Variants in ZPBP observed in about 807,000 individuals in gnomAD.
The protein encoded by ZPBP is zona pellucida-binding protein 1.
ZPBP carries 26 observed loss-of-function variants against 44.8 expected under a neutral mutation model. The ratio of observed to expected loss-of-function variants is 0.58; its 90% CI spans 0.43 to 0.81. The LOEUF (loss-of-function observed/expected upper bound fraction) is 0.81. Among genes scored for constraint, ZPBP ranks in the 30% least tolerant of loss-of-function variants. ZPBP has a pLI of 0.00. For synonymous variants in ZPBP, 174 were observed against 153.2 expected (o/e 1.14, Z -1.00); for missense variants, 409 against 434.0 (o/e 0.94, Z 0.51).
intron 7 of ZPBP, among the ~76,000 whole-genome samples, chr7:49,959,927 A>G (rs1795783441): frequency 6.6e-6 from 1 of 152,236 alleles, no homozygotes; most frequent in Admixed American, 6.5e-5. Flanking sequence ...AATGTACAAA[A>G]TTGCAGTCAG....
intron 6 of ZPBP, among the ~76,000 whole-genome samples, chr7:50,015,787 G>A (rs1798794299): frequency 6.6e-6 from 1 of 151,890 alleles, no homozygotes. Context: ...GAGCCAGCAA[G>A]CATATGAAAA....
chr7:50,031,058 C>T, intron 5 of ZPBP, 34 bp downstream of exon 5: 1 of 1,584,818 alleles, frequency 6.3e-7, no homozygotes, highest in Non-Finnish European at 8.7e-7. Context: ...TATGTGTTCT[C>T]CATTTGCTTT....
chr7:50,006,057 A>G (rs1302189004), intron 6 of ZPBP, among the ~76,000 whole-genome samples: 3 of 151,972 alleles, frequency 2.0e-5, no homozygotes, highest in Non-Finnish European at 4.4e-5. Context: ...GAGACATAGC[A>G]TTATATAATG....
At chr7:49,977,003 G>A (rs1400600340) in intron 7 of ZPBP, among the ~76,000 whole-genome samples, 1 of 151,960 alleles carries the variant, frequency 6.6e-6, no homozygotes, top group Non-Finnish European at 1.5e-5. Context: ...TCGGGCGCCT[G>A]AGGCAGGAGA....
chr7:50,043,842 A>G (rs1800211058), intron 4 of ZPBP, among the ~76,000 whole-genome samples: 1 of 152,164 alleles, frequency 6.6e-6, no homozygotes, highest in African/African-American at 2.4e-5. Flanking sequence ...AGAACTCTCC[A>G]CCCCACATCA....
chr7:49,890,465 T>C (rs988526526), intron 2 of ZPBP, among the ~76,000 whole-genome samples: 3 of 152,156 alleles, frequency 2.0e-5, no homozygotes, highest in Non-Finnish European at 2.9e-5. Flanking sequence ...GACCAATAAA[T>C]CCATAACATC....
chr7:49,911,988 T>C (rs902567701), intron 1 of ZPBP: 4 of 1,473,394 alleles, frequency 2.7e-6, no homozygotes, highest in Non-Finnish European at 3.6e-6. Flanking sequence ...ATATATATTA[T>C]ATATTTATGC....
intron 6 of ZPBP, among the ~76,000 whole-genome samples, chr7:49,988,033 A>C (rs1960762): frequency 0.022 from 3,323 of 152,310 alleles, 143 homozygotes; most frequent in African/African-American, 0.076. Context: ...AATTGTAAAA[A>C]TTAATCTTGC....
At chr7:49,996,516 T>C (rs1797855588) in intron 6 of ZPBP, among the ~76,000 whole-genome samples, 1 of 152,192 alleles carries the variant, frequency 6.6e-6, no homozygotes, top group Admixed American at 6.5e-5. Flanking sequence ...ACAGTTACCC[T>C]AGTAAAAGGC....
At chr7:49,987,482 G>T (rs996782889) in intron 6 of ZPBP, among the ~76,000 whole-genome samples, 1 of 152,118 alleles carries the variant, frequency 6.6e-6, no homozygotes, top group African/African-American at 2.4e-5. Flanking sequence ...TTTTGGGAGA[G>T]ACCTCTGTTT....
At chr7:50,060,813 G>A (rs562735659) in intron 3 of ZPBP, among the ~76,000 whole-genome samples, 4 of 152,286 alleles carry the variant, frequency 2.6e-5, no homozygotes, top group East Asian at 1.9e-4. Context: ...CTCATTCTAT[G>A]AGGCCAGTAT....
chr7:50,060,716 C>T (rs529470527), intron 3 of ZPBP, among the ~76,000 whole-genome samples: 1 of 152,234 alleles, frequency 6.6e-6, no homozygotes, highest in Non-Finnish European at 1.5e-5. Flanking sequence ...GATTCACAGC[C>T]AAATTCTACC....
intron 7 of ZPBP, among the ~76,000 whole-genome samples, chr7:49,952,080 G>A (rs546986355): frequency 2.3e-4 from 35 of 151,942 alleles, no homozygotes; most frequent in Admixed American, 3.3e-4. Flanking sequence ...TGAATGAGGC[G>A]TAACTTTTTA....
At position 50,058,009 on chromosome 7, in the gene ZPBP, T is replaced by C; in HGVS notation, c.467A>G (p.Gln156Arg). 4 of 1,611,598 alleles carry C rather than the reference T, an allele frequency of 2.5e-6. No homozygotes were observed. The highest frequency in any genetic ancestry group is 3.4e-6 in the Non-Finnish European group (4 of 1,178,860). The change falls in exon 4 of 8, where the codon CAA (glutamine) becomes CGA (arginine). Residue 156 changes from glutamine (Q) to arginine (R), a missense_variant. Physicochemically the swap from Gln to Arg is conservative, Grantham distance 43. Coordinates refer to ENST00000046087, the MANE Select transcript of ZPBP (RefSeq NM_007009.3). ...CTTACCATATATAGCATATTTTAGT[T>C]GAAGACGTTTAACAATTTCTTCCAC... ...PTVEEIVKRL[Q>R]LKYAIYAYRE...
At chr7:49,943,216 T>A in intron 7 of ZPBP, 1 of 317,584 alleles carries the variant, frequency 3.1e-6, no homozygotes, top group South Asian at 3.0e-5. Context: ...ATCTTTTATG[T>A]CTTGCTGATA....
chr7:49,892,981 C>A (rs1471131515), intron 2 of ZPBP, among the ~76,000 whole-genome samples: 3 of 152,104 alleles, frequency 2.0e-5, no homozygotes, highest in Non-Finnish European at 4.4e-5. Context: ...TGAAGCCTGT[C>A]CCCAATTTAT....
At chr7:49,976,853 A>G (rs1303513165) in intron 7 of ZPBP, among the ~76,000 whole-genome samples, 1 of 152,106 alleles carries the variant, frequency 6.6e-6, no homozygotes, top group Non-Finnish European at 1.5e-5. Flanking sequence ...TTGTAATCCC[A>G]GCACTCTGGG....
At chr7:49,977,325 T>A (rs1423851942) in intron 7 of ZPBP, among the ~76,000 whole-genome samples, 3 of 152,098 alleles carry the variant, frequency 2.0e-5, no homozygotes, top group African/African-American at 7.2e-5. Context: ...ACTATTTAAA[T>A]ACATGTAGTG....
chr7:49,960,444 T>C (rs564797820), intron 7 of ZPBP, among the ~76,000 whole-genome samples: 1 of 150,328 alleles, frequency 6.7e-6, no homozygotes, highest in Admixed American at 6.6e-5. Flanking sequence ...AAAAAAACAG[T>C]AGAAAATCTT....
Sources: allele counts gnomAD v4.1 joint callset (sites outside exome capture counted in the v4.1 genomes callset), GRCh38; gene constraint gnomAD v4.1.1; transcripts MANE v1.5; gene names NCBI Gene and HGNC (gene_info 2026-07-23, HGNC 2026-07-21).